Variants in SLC2A12 observed in about 807,000 individuals in gnomAD.
SLC2A12 encodes the protein solute carrier family 2, facilitated glucose transporter member 12.
SLC2A12 carries 23 observed loss-of-function variants against 41.8 expected under a neutral mutation model. The ratio of observed to expected loss-of-function variants is 0.55; its 90% CI spans 0.40 to 0.78. The LOEUF is 0.78. Ranked by LOEUF, SLC2A12 falls within the 30% of genes least tolerant of loss-of-function variation. SLC2A12 has a pLI of 0.00. For missense variants in SLC2A12, 654 were observed against 745.6 expected, an observed-to-expected ratio of 0.88 and a Z score of 1.43; for synonymous variants, 295 against 285.9, an observed-to-expected ratio of 1.03 and a Z score of -0.32.
intron 2 of SLC2A12, among the ~76,000 whole-genome samples, chr6:134,011,727 G>A (rs1208241179): frequency 6.6e-6 from 1 of 151,714 alleles, no homozygotes; most frequent in Admixed American, 6.6e-5. Context: ...GTGAGACCCT[G>A]TCTCAAAAAA....
chr6:134,019,333 C>T (rs77707729), intron 2 of SLC2A12, among the ~76,000 whole-genome samples: 2,349 of 151,836 alleles, frequency 0.015, 53 homozygotes, highest in African/African-American at 0.053. Flanking sequence ...GGTTTTGGCT[C>T]ATCTTGACTT....
chr6:133,988,503 G>A lies in SLC2A12; in HGVS notation c.*2652C>T, dbSNP rs897757775. ...GTTTTTAAACCTTTGTGGAAAAATTGCAACATCCTAATCTCCATATATAGT... is the reference window on the plus strand; with the variant it reads ...GTTTTTAAACCTTTGTGGAAAAATTACAACATCCTAATCTCCATATATAGT... On this transcript the variant is annotated 3_prime_UTR_variant, in exon 5 of 5. Transcript: ENST00000275230. 1 of 152,118 alleles carries A rather than the reference G, an allele frequency of 6.6e-6. No homozygotes were observed. Among genetic ancestry groups the A allele is most frequent in the Non-Finnish European group, 1.5e-5 (1 of 67,994 alleles). The allele number at this position is 152,118 out of a possible 1,614,324, so 9.4% of individuals were successfully genotyped here.
At chr6:134,017,161 G>T (rs1026956938) in intron 2 of SLC2A12, among the ~76,000 whole-genome samples, 1 of 151,998 alleles carries the variant, frequency 6.6e-6, no homozygotes, top group Non-Finnish European at 1.5e-5. Flanking sequence ...TTTTTTAAAT[G>T]GCCTTCATTT....
intron 1 of SLC2A12, among the ~76,000 whole-genome samples, chr6:134,036,097 G>A (rs1302241024): frequency 6.6e-6 from 1 of 152,130 alleles, no homozygotes; most frequent in African/African-American, 2.4e-5. Flanking sequence ...GACATAATGG[G>A]CACGCAATAA....
chr6:134,032,475 T>TATAA (rs1777231868), intron 1 of SLC2A12, among the ~76,000 whole-genome samples: 1 of 59,700 alleles, frequency 1.7e-5, no homozygotes, highest in African/African-American at 5.3e-5. Context: ...TTTTTATATA[T>TATAA]ATATATATAT....
At chr6:134,021,764 G>C (rs1777043344) in intron 2 of SLC2A12, among the ~76,000 whole-genome samples, 1 of 152,180 alleles carries the variant, frequency 6.6e-6, no homozygotes, top group Non-Finnish European at 1.5e-5. Flanking sequence ...AATTACTCTA[G>C]AAACACACTA....
At chr6:134,032,889 T>A (rs548369569) in intron 1 of SLC2A12, among the ~76,000 whole-genome samples, 26 of 146,366 alleles carry the variant, frequency 1.8e-4, no homozygotes, top group African/African-American at 2.8e-4. Context: ...TATATATAAA[T>A]AACTTAATTT....
chr6:134,004,891 C>T (rs1776792945), intron 3 of SLC2A12, among the ~76,000 whole-genome samples: 1 of 152,166 alleles, frequency 6.6e-6, no homozygotes, highest in Non-Finnish European at 1.5e-5. Context: ...CCAACAATGA[C>T]AAACAGCGAG....
In SLC2A12 at chr6:133,991,253, G is replaced by T; in HGVS notation, c.1756C>A (p.Pro586Thr). 6.2e-7 allele frequency: 1 copy of T among 1,613,924 alleles called. No individual in the cohort carries two copies. Among genetic ancestry groups the T allele is most frequent in the Non-Finnish European group, 8.5e-7 (1 of 1,179,948 alleles). Reference sequence around the variant, plus strand: ...GGTTTTCTTTTTTGAGGCTGTTTTGGCACTAATTCTTCTTGGTGATGACTC... The same window carrying T: ...GGTTTTCTTTTTTGAGGCTGTTTTGTCACTAATTCTTCTTGGTGATGACTC... Reference protein sequence around the residue: ...FMSHHQEELVPKQPQKRKPQE... With the variant: ...FMSHHQEELVTKQPQKRKPQE... Residue 586 changes from proline to threonine, a missense_variant, in exon 5 of 5, where the codon CCA becomes ACA. Physicochemically the swap from Pro to Thr is conservative, Grantham distance 38. Around this residue, in one of 3 missense-constraint regions of SLC2A12, gnomAD observed 134 missense variants for 180.5 expected, o/e 0.74. Coordinates refer to ENST00000275230, the MANE Select transcript of SLC2A12 (RefSeq NM_145176.3).
intron 3 of SLC2A12, among the ~76,000 whole-genome samples, chr6:134,005,659 TAAAAAAAAAAAAAAAAAA>T (rs56710009): frequency 8.6e-4 from 56 of 64,964 alleles, no homozygotes; most frequent in South Asian, 2.0e-3. Flanking sequence ...GACTCTGTCT[TAAAAAAAAAAAAAAAAAA>T]AAAAAAAAAA....
intron 4 of SLC2A12, among the ~76,000 whole-genome samples, chr6:133,992,533 A>G (rs1232646212): frequency 6.6e-6 from 1 of 152,224 alleles, no homozygotes; most frequent in East Asian, 1.9e-4. Flanking sequence ...AACAAGGCTT[A>G]TCAGCATAGT....
rs376597051 is a variant in SLC2A12, at chr6:134,039,615, TAC to T, written c.104-9896_104-9895del. Among the ~76,000 whole-genome samples the T allele has an allele frequency of 3.7e-3, 566 of 152,088 alleles. 5 individuals carry two copies. The highest frequency in any genetic ancestry group is 0.013 in the African/African-American group (535 of 41,350). ...TCAGTTATGATATTTTTGACTGTGATACAGTTTTTTTTTAATCACAATTGATG... is the reference window on the plus strand; with the variant it reads ...TCAGTTATGATATTTTTGACTGTGATAGTTTTTTTTTAATCACAATTGATG... On this transcript the variant is annotated intron_variant, in intron 1 of 4. Coordinates refer to ENST00000275230, the MANE Select transcript of SLC2A12 (RefSeq NM_145176.3).
intron 4 of SLC2A12, among the ~76,000 whole-genome samples, chr6:133,992,035 A>G (rs17063245): frequency 0.21 from 32,089 of 152,126 alleles, 6,213 homozygotes; most frequent in African/African-American, 0.51. Flanking sequence ...AAGCAGTGAC[A>G]ATGATCAGAA....
chr6:134,006,179 AAAAAAAAAAAAAAC>A (rs1562192561), intron 3 of SLC2A12, among the ~76,000 whole-genome samples: 1 of 141,440 alleles, frequency 7.1e-6, no homozygotes, highest in East Asian at 2.1e-4. Context: ...ACTATCGGAA[AAAAAAAAAAAAAAC>A]AAAAAAAAAA....
intron 2 of SLC2A12, among the ~76,000 whole-genome samples, chr6:134,016,567 AC>A (rs1776965824): frequency 6.6e-6 from 1 of 151,976 alleles, no homozygotes; most frequent in South Asian, 2.1e-4. Context: ...ACATCATTAA[AC>A]TGTGACAGGT....
chr6:134,032,450 ATATATATATATATATTTT>A (rs1293561995), intron 1 of SLC2A12, among the ~76,000 whole-genome samples: 4 of 44,356 alleles, frequency 9.0e-5, no homozygotes, highest in Non-Finnish European at 1.8e-4. Flanking sequence ...ATATATATAA[ATATATATATATATATTTT>A]TATATATATA....
intron 2 of SLC2A12, among the ~76,000 whole-genome samples, chr6:134,017,963 G>A (rs1776985645): frequency 6.6e-6 from 1 of 151,868 alleles, no homozygotes; most frequent in Non-Finnish European, 1.5e-5. Flanking sequence ...AAACCTGTCT[G>A]GTTTCCTAGG....
intron 1 of SLC2A12, among the ~76,000 whole-genome samples, chr6:134,048,202 T>TA (rs1224677013): frequency 1.3e-5 from 2 of 152,174 alleles, no homozygotes; most frequent in Admixed American, 1.3e-4. Context: ...GTCACAGAGA[T>TA]ACGCTGACTG....
chr6:134,001,799 T>C (rs1776756849), intron 4 of SLC2A12, among the ~76,000 whole-genome samples, 198 bp downstream of exon 4: 1 of 151,616 alleles, frequency 6.6e-6, no homozygotes, highest in African/African-American at 2.4e-5. Context: ...GAAATGGTTA[T>C]TCTTCCTTAG....
Sources: gnomAD v4.1 joint callset for allele counts (sites outside exome capture counted in the v4.1 genomes callset) on GRCh38, gnomAD v4.1.1 for gene constraint, gnomAD v4.1.1 regional missense constraint, MANE v1.5 for transcripts, NCBI Gene and HGNC (gene_info 2026-07-23, HGNC 2026-07-21) for gene names.